The following SYT1 variants were observed in gnomAD, a reference collection of about 807,000 sequenced individuals.
The protein encoded by SYT1 is synaptotagmin 1, also known as synaptotagmin-1.
A neutral mutation model predicts 44.8 loss-of-function variants in SYT1; 8 were observed. The observed-to-expected ratio is 0.18, with a 90% CI of 0.10 to 0.32. The LOEUF (loss-of-function observed/expected upper bound fraction) is 0.32. Among genes scored for constraint, SYT1 ranks in the 10% least tolerant of loss-of-function variants. The probability of loss-of-function intolerance (pLI) is 1.00; values close to 1 mark genes in which losing one functional copy is unlikely to be tolerated. For synonymous variants in SYT1, 154 were observed against 188.8 expected, an observed-to-expected ratio of 0.82 and a Z score of 1.51; for missense variants, 286 against 509.3, an observed-to-expected ratio of 0.56 and a Z score of 4.22.
At chr12:79,240,508 A>G (rs1264643192) in intron 4 of SYT1, among the ~76,000 whole-genome samples, 3 of 152,206 alleles carry the variant, frequency 2.0e-5, no homozygotes, top group African/African-American at 7.2e-5. Flanking sequence ...TCAGTTCACT[A>G]TTAATTATTC....
chr12:79,009,858 C>A (rs1270325397), intron 2 of SYT1, among the ~76,000 whole-genome samples: 1 of 152,062 alleles, frequency 6.6e-6, no homozygotes, highest in African/African-American at 2.4e-5. Context: ...TGGTGCTTTT[C>A]TCCACAGGTA....
chr12:79,055,657 T>C (rs912934314), intron 3 of SYT1, among the ~76,000 whole-genome samples: 1 of 152,104 alleles, frequency 6.6e-6, no homozygotes, highest in South Asian at 2.1e-4. Context: ...CAATGTCCTC[T>C]TCTATAAAAA....
intron 9 of SYT1, among the ~76,000 whole-genome samples, chr12:79,400,378 T>A (rs142532152): frequency 1.1e-4 from 17 of 152,266 alleles, no homozygotes; most frequent in African/African-American, 3.1e-4. Flanking sequence ...ACGTCTCCCC[T>A]CCTACTGCCT....
chr12:79,434,299 C>T (rs1869961920), intron 9 of SYT1, among the ~76,000 whole-genome samples: 1 of 152,118 alleles, frequency 6.6e-6, no homozygotes. Flanking sequence ...TGTGTGTTTA[C>T]ACAGAAAATT....
intron 1 of SYT1, among the ~76,000 whole-genome samples, chr12:78,962,274 C>T (rs190241767): frequency 1.2e-4 from 18 of 150,214 alleles, no homozygotes; most frequent in African/African-American, 3.2e-4. Context: ...TAACTTAATA[C>T]GAGGTAAAGT....
At chr12:79,437,567 A>G (rs1480267654) in intron 9 of SYT1, among the ~76,000 whole-genome samples, 1 of 152,206 alleles carries the variant, frequency 6.6e-6, no homozygotes, top group Non-Finnish European at 1.5e-5. Context: ...GGCTACATTT[A>G]CATTTCTGCA....
chr12:79,376,177 T>G (rs1416262825), intron 9 of SYT1, among the ~76,000 whole-genome samples: 1 of 152,172 alleles, frequency 6.6e-6, no homozygotes, highest in Non-Finnish European at 1.5e-5. Context: ...AAGAGAGGGT[T>G]CTTGGATCTT....
chr12:79,344,678 A>G (rs1882529027), intron 8 of SYT1, among the ~76,000 whole-genome samples: 1 of 152,040 alleles, frequency 6.6e-6, no homozygotes, highest in African/African-American at 2.4e-5. Context: ...GCTGGTCTCA[A>G]ACTCCTGGGC....
chr12:79,061,230 A>T (rs951066888), intron 3 of SYT1, among the ~76,000 whole-genome samples: 1 of 152,058 alleles, frequency 6.6e-6, no homozygotes, highest in Non-Finnish European at 1.5e-5. Context: ...GAAATAATCT[A>T]TACAGTTTTT....
intron 3 of SYT1, among the ~76,000 whole-genome samples, chr12:79,154,195 A>G (rs1424207708): frequency 6.6e-6 from 1 of 152,106 alleles, no homozygotes; most frequent in East Asian, 1.9e-4. Flanking sequence ...TATGTTAAAG[A>G]GCCACTGAAG....
At chr12:79,140,268 A>G (rs1013154505) in intron 3 of SYT1, among the ~76,000 whole-genome samples, 5 of 152,190 alleles carry the variant, frequency 3.3e-5, no homozygotes, top group Admixed American at 3.3e-4. Context: ...TTCAGACTCT[A>G]CAGGTTCTTC....
intron 1 of SYT1, among the ~76,000 whole-genome samples, chr12:78,894,222 A>G (rs1875214689): frequency 6.7e-6 from 1 of 150,176 alleles, no homozygotes; most frequent in African/African-American, 2.4e-5. Context: ...ACTACCCTAA[A>G]TACCTCCTCT....
chr12:79,267,408 T>C (rs1168402236), intron 4 of SYT1, among the ~76,000 whole-genome samples: 2 of 152,160 alleles, frequency 1.3e-5, no homozygotes, highest in African/African-American at 4.8e-5. Context: ...GTTAACCAAA[T>C]TGAAAGTGTC....
At chr12:78,871,573 A>G (rs2137035771) in intron 1 of SYT1, among the ~76,000 whole-genome samples, 1 of 152,120 alleles carries the variant, frequency 6.6e-6, no homozygotes, top group Non-Finnish European at 1.5e-5. Context: ...TTTTAGACAA[A>G]TGATTTATTG....
At chr12:79,120,055 A>G (rs543732809) in intron 3 of SYT1, among the ~76,000 whole-genome samples, 1 of 152,280 alleles carries the variant, frequency 6.6e-6, no homozygotes, top group South Asian at 2.1e-4. Flanking sequence ...TCCCAGAAGC[A>G]AGGAATTCAG....
chr12:79,134,221 A>G (rs1368884549), intron 3 of SYT1, among the ~76,000 whole-genome samples: 1 of 152,046 alleles, frequency 6.6e-6, no homozygotes, highest in Non-Finnish European at 1.5e-5. Flanking sequence ...ATATGGAAGC[A>G]TGGAAAAAAA....
chr12:79,441,447 T>A (rs1410750652), intron 9 of SYT1, among the ~76,000 whole-genome samples: 1 of 152,128 alleles, frequency 6.6e-6, no homozygotes, highest in Non-Finnish European at 1.5e-5. Flanking sequence ...TTGGAGTAGC[T>A]GGGATCACAG....
chr12:79,042,867 C>G (rs994459755), intron 2 of SYT1, among the ~76,000 whole-genome samples: 7 of 151,766 alleles, frequency 4.6e-5, no homozygotes, highest in African/African-American at 1.5e-4. Context: ...TTATTTCTGC[C>G]TTCATTTTGT....
chr12:79,311,829 G>A (rs1391347089), intron 8 of SYT1, among the ~76,000 whole-genome samples: 2 of 138,234 alleles, frequency 1.4e-5, no homozygotes, highest in African/African-American at 2.7e-5. Flanking sequence ...GAGAACACAT[G>A]GACACAGGAA....
Sources: gnomAD v4.1 joint callset for allele counts (sites outside exome capture counted in the v4.1 genomes callset) on GRCh38, gnomAD v4.1.1 for gene constraint, MANE v1.5 for transcripts, NCBI Gene and HGNC (gene_info 2026-07-23, HGNC 2026-07-21) for gene names.